The following RBL2 variants were observed in gnomAD, a reference collection of about 807,000 sequenced individuals.
RBL2 encodes RB transcriptional corepressor like 2.
Under a neutral mutation model 126.0 loss-of-function variants are expected in RBL2, and 56 were observed. The observed-to-expected ratio is 0.44, with a 90% confidence interval of 0.36 to 0.56. The LOEUF is 0.56. RBL2 is among the 20% of genes least tolerant of loss of function. The pLI is 0.00. For synonymous variants in RBL2, 454 were observed against 478.5 expected (o/e 0.95, Z 0.67); for missense variants, 1,229 against 1,398.2 (o/e 0.88, Z 1.93).
chr16:53,463,470 G>T (rs760017874), intron 11 of RBL2, among the ~76,000 whole-genome samples: 5 of 151,456 alleles, frequency 3.3e-5, no homozygotes, highest in Non-Finnish European at 7.4e-5. Flanking sequence ...TCAAACTCTG[G>T]ACCTCAGGTG....
chr16:53,462,462 A>T, intron 10 of RBL2, 90 bp from the exon 11 acceptor site: 1 of 764,674 alleles, frequency 1.3e-6, no homozygotes, highest in South Asian at 2.0e-5. Context: ...TTGGTTTTGA[A>T]TTTTATTTTG....
chr16:53,442,559 T>G lies in RBL2; in HGVS notation c.372-99T>G. The G allele has an allele frequency of 5.6e-6, 5 of 885,988 alleles. No individual in the cohort carries two copies. In the South Asian group the frequency reaches 8.8e-5, roughly 16 times the overall value. 54.9% of individuals were successfully genotyped at this position (885,988 alleles called of 1,614,324 possible). A position where few individuals can be genotyped will look rare whatever the true frequency, so the allele number is the denominator to read the frequency against. Reference sequence around the variant, plus strand: ...TTTATTTCACTGTCTAAAAGTAATATAATTTAATGCGATAATATTGATTTA... The same window carrying G: ...TTTATTTCACTGTCTAAAAGTAATAGAATTTAATGCGATAATATTGATTTA... On this transcript the variant is annotated intron_variant, in intron 2 of 21. Coordinates refer to ENST00000262133, the MANE Select transcript of RBL2 (RefSeq NM_005611.4).
At chr16:53,480,517 G>C in intron 19 of RBL2, 50 bp from the exon 20 acceptor site, 1 of 1,499,484 alleles carries the variant, frequency 6.7e-7, no homozygotes, top group Non-Finnish European at 9.1e-7. Flanking sequence ...AATTAAAACA[G>C]TCAATATTAG....
At chr16:53,435,950 A>T (rs558089600) in intron 1 of RBL2, among the ~76,000 whole-genome samples, 2 of 152,260 alleles carry the variant, frequency 1.3e-5, no homozygotes, top group Non-Finnish European at 2.9e-5. Flanking sequence ...TAAACTGGAG[A>T]TATTTGTGTT....
At chr16:53,440,319 A>G (rs1392847690) in intron 2 of RBL2, among the ~76,000 whole-genome samples, 2 of 152,104 alleles carry the variant, frequency 1.3e-5, no homozygotes, top group Non-Finnish European at 2.9e-5. Context: ...ATAATTCACA[A>G]TGTCATGTTT....
intron 1 of RBL2, among the ~76,000 whole-genome samples, chr16:53,438,677 C>T (rs1352627949): frequency 6.6e-6 from 1 of 151,768 alleles, no homozygotes; most frequent in African/African-American, 2.4e-5. Context: ...AACCCTGTCT[C>T]TACAAAAAAT....
At position 53,447,095 on chromosome 16, in the gene RBL2, T is replaced by C. The variant is rs1190842789; in HGVS notation, c.626T>C (p.Ile209Thr). 4 of 1,552,572 alleles carry C rather than the reference T, an allele frequency of 2.6e-6. No individual in the cohort carries two copies. Among genetic ancestry groups the C allele is most frequent in the Non-Finnish European group, 3.5e-6 (4 of 1,131,166 alleles). Residue 209 changes from isoleucine (I) to threonine (T), a missense_variant, in exon 4 of 22, where the codon ATA (isoleucine) becomes ACA (threonine). Ile to Thr is a moderately conservative substitution (Grantham distance 89). Around this residue, in one of 2 missense-constraint regions of RBL2, gnomAD observed 1,070 missense variants for 1,274.3 expected, o/e 0.84. Coordinates refer to ENST00000262133, the MANE Select transcript of RBL2 (RefSeq NM_005611.4). ...TTCCATTTTTGTTGGGTGCTTTTTATATATGCAAAAGGTAAGAAAATAGTA... is the reference window on the plus strand; with the variant it reads ...TTCCATTTTTGTTGGGTGCTTTTTACATATGCAAAAGGTAAGAAAATAGTA... ...EIFHFCWVLF[I>T]YAKGNFPMIS...
intron 19 of RBL2, chr16:53,480,327 T>A: frequency 1.8e-6 from 1 of 545,230 alleles, no homozygotes; most frequent in East Asian, 3.0e-5. Context: ...GCTTAGGTCC[T>A]AGAAAATTTG....
chr16:53,463,747 A>G (rs1267780260), intron 11 of RBL2, among the ~76,000 whole-genome samples: 5 of 151,012 alleles, frequency 3.3e-5, no homozygotes, highest in African/African-American at 1.2e-4. Context: ...TTCTATTTTT[A>G]GTAGAGATGG....
In RBL2 at chr16:53,451,855, T is replaced by C. The variant is rs765195808; in HGVS notation, c.766+24T>C. 2.5e-6 allele frequency: 4 copies of C among 1,611,786 alleles called. No individual in the cohort carries two copies. In the South Asian group the frequency reaches 4.4e-5, roughly 18 times the overall value. On this transcript the variant is annotated intron_variant, in intron 5 of 21. Coordinates refer to ENST00000262133, the MANE Select transcript of RBL2 (RefSeq NM_005611.4). ...AGGTAGGTTTGTAAATCAAAGATTT[T>C]TGGGCAATCTGCGTTTCTGTGTTAT...
intron 11 of RBL2, 136 bp from the exon 12 acceptor site, chr16:53,464,090 G>A (rs936954349): frequency 1.5e-5 from 9 of 602,504 alleles, no homozygotes; most frequent in Admixed American, 8.1e-5. Flanking sequence ...GAAAGGTTTT[G>A]TAAGAAAATA....
chr16:53,477,825 CAGTT>C (rs1416455604), intron 17 of RBL2, among the ~76,000 whole-genome samples: 1 of 151,810 alleles, frequency 6.6e-6, no homozygotes, highest in African/African-American at 2.4e-5. Flanking sequence ...ATTTTTTAAT[CAGTT>C]AAGAAAGGAG....
chr16:53,480,503 A>C, intron 19 of RBL2, 64 bp from the exon 20 acceptor site: 1 of 1,418,082 alleles, frequency 7.1e-7, no homozygotes, highest in Non-Finnish European at 9.7e-7. Flanking sequence ...TCCTACTTTT[A>C]AAAAATTAAA....
At chr16:53,460,219 A>G (rs2058207223) in intron 9 of RBL2, among the ~76,000 whole-genome samples, 1 of 152,188 alleles carries the variant, frequency 6.6e-6, no homozygotes, top group South Asian at 2.1e-4. Context: ...ACCTTTGGCA[A>G]GTTGATTTGA....
At chr16:53,478,993 T>C in intron 17 of RBL2, 161 bp from the exon 18 acceptor site, 2 of 609,450 alleles carry the variant, frequency 3.3e-6, no homozygotes, top group Non-Finnish European at 5.8e-6. Context: ...CTTGAATCGA[T>C]GTATCTTCAT....
intron 3 of RBL2, among the ~76,000 whole-genome samples, chr16:53,443,518 G>C (rs1461205300): frequency 6.6e-6 from 1 of 152,144 alleles, no homozygotes; most frequent in Non-Finnish European, 1.5e-5. Flanking sequence ...AAACTATTAT[G>C]AATTTGTGCT....
At chr16:53,474,573 C>T (rs1398099421) in intron 17 of RBL2, among the ~76,000 whole-genome samples, 1 of 152,200 alleles carries the variant, frequency 6.6e-6, no homozygotes, top group Non-Finnish European at 1.5e-5. Flanking sequence ...GCCTCGGCCT[C>T]CCAAAGTGCT....
chr16:53,470,107 C>T lies in RBL2; in HGVS notation c.2167C>T (p.Pro723Ser). The T allele has an allele frequency of 1.2e-6, 2 of 1,614,034 alleles. No homozygotes were observed. Among genetic ancestry groups the T allele is most frequent in the South Asian group, 2.2e-5 (2 of 91,078 alleles). Residue 723 changes from proline to serine, a missense_variant, in exon 15 of 22, where the codon CCT (proline) becomes TCT (serine). Pro to Ser is a moderately conservative substitution (Grantham distance 74, BLOSUM62 -1). This residue lies in a region of RBL2 where 1,070 missense variants were observed against 1,274.3 expected (regional missense o/e 0.84). Transcript: ENST00000262133. ...SGETVSVTPVPGQTLVTMATA... is the reference protein window; with the variant it reads ...SGETVSVTPVSGQTLVTMATA... ...GGAGACTGTTTCTGTCACACCAGTT[C>T]CTGGACAGACTTTGGTCACCATGGC...
At chr16:53,483,864 C>G (rs980543358) in intron 21 of RBL2, among the ~76,000 whole-genome samples, 10 of 148,286 alleles carry the variant, frequency 6.7e-5, no homozygotes, top group Admixed American at 2.0e-4. Context: ...GGGACAAGAG[C>G]AAGACTCCGT....
Sources: allele counts gnomAD v4.1 joint callset (sites outside exome capture counted in the v4.1 genomes callset), GRCh38; gene constraint gnomAD v4.1.1; regional missense constraint gnomAD v4.1.1; transcripts MANE v1.5; gene names NCBI Gene and HGNC (gene_info 2026-07-23, HGNC 2026-07-21).